Variants in TRAK1 observed in about 807,000 individuals in gnomAD.
TRAK1 encodes trafficking kinesin-binding protein 1.
In TRAK1, 33 loss-of-function variants were observed where a neutral mutation model predicts 92.1. The observed-to-expected ratio is 0.36, with a 90% CI of 0.27 to 0.48. The LOEUF (loss-of-function observed/expected upper bound fraction) is 0.48. TRAK1 is among the 20% of genes least tolerant of loss of function. TRAK1 has a pLI of 0.99. For missense variants in TRAK1, 1,123 were observed against 1,257.9 expected (o/e 0.89, Z 1.62); for synonymous variants, 521 against 517.3 (o/e 1.01, Z -0.10).
chr3:42,024,695 G>T (rs987846554), intron 1 of TRAK1, among the ~76,000 whole-genome samples: 2 of 152,196 alleles, frequency 1.3e-5, no homozygotes, highest in African/African-American at 4.8e-5. Flanking sequence ...GCTAGACAGG[G>T]ATAGAATCTA....
At chr3:42,083,101 T>C (rs756483822), upstream of TRAK1, among the ~76,000 whole-genome samples, 5 of 152,356 alleles carry the variant, frequency 3.3e-5, no homozygotes, top group Non-Finnish European at 5.9e-5. Flanking sequence ...AAATGTATAC[T>C]CCTCGCCTTA....
intron 13 of TRAK1, among the ~76,000 whole-genome samples, chr3:42,205,900 G>T (rs1708277386): frequency 6.6e-6 from 1 of 152,188 alleles, no homozygotes; most frequent in African/African-American, 2.4e-5. Flanking sequence ...ACTTTATCTT[G>T]GGGCCAACCA....
chr3:42,217,359 CTTG>C, intron 14 of TRAK1: 3 of 985,394 alleles, frequency 3.0e-6, no homozygotes, highest in Middle Eastern at 1.0e-3. Context: ...ACTTTGGAAA[CTTG>C]TTGATCTTCC....
intron 13 of TRAK1, among the ~76,000 whole-genome samples, chr3:42,206,649 A>G (rs766377185): frequency 5.9e-5 from 9 of 152,170 alleles, no homozygotes; most frequent in Non-Finnish European, 1.2e-4. Context: ...GCTTAGTAAA[A>G]GCCCAGTAAA....
intron 1 of TRAK1, among the ~76,000 whole-genome samples, chr3:42,092,837 C>T (rs1341997175): frequency 3.3e-5 from 5 of 152,078 alleles, no homozygotes; most frequent in East Asian, 3.9e-4. Flanking sequence ...CCCCCTGCCT[C>T]GGCCTCCCAA....
At chr3:42,177,745 G>GT (rs1387710332) in intron 3 of TRAK1, among the ~76,000 whole-genome samples, 7 of 152,300 alleles carry the variant, frequency 4.6e-5, no homozygotes, top group African/African-American at 1.7e-4. Flanking sequence ...TTTCTGGAGT[G>GT]TGTGGCATTC....
chr3:42,215,501 G>GGT (rs3836497), intron 14 of TRAK1, among the ~76,000 whole-genome samples: 3,034 of 151,086 alleles, frequency 0.02, 95 homozygotes, highest in African/African-American at 0.067. Context: ...CCACTGTTGG[G>GGT]GTGTGTGTGT....
chr3:42,013,509 A>G (rs1395842799), upstream of TRAK1, among the ~76,000 whole-genome samples: 1 of 145,040 alleles, frequency 6.9e-6, no homozygotes, highest in African/African-American at 2.6e-5. The surrounding 1 kb of genome is among the most constrained non-coding windows in gnomAD (Gnocchi z 5.1). Flanking sequence ...CCAGGCGACT[A>G]GGACGTGGCC....
At chr3:42,196,813 G>A (rs1005458923) in intron 10 of TRAK1, among the ~76,000 whole-genome samples, 2 of 151,560 alleles carry the variant, frequency 1.3e-5, no homozygotes, top group Non-Finnish European at 2.9e-5. Context: ...CTCCCAAAGT[G>A]CTAGGATTAC....
In TRAK1 at chr3:42,125,490, T is replaced by C. The variant is rs1306637954; in HGVS notation, c.162T>C (p.Tyr54=). Reference sequence around the variant, plus strand: ...TGCTGGAGGAGCAGCTGCCCCATTATAAGTTAAGAGCCGACACCATCTACG... The same window carrying C: ...TGCTGGAGGAGCAGCTGCCCCATTACAAGTTAAGAGCCGACACCATCTACG... ...ISLLEEQLPH[Y]KLRADTIYGY... is the part of the protein sequence containing the mutation. The change falls in exon 2 of 16, where the codon TAT becomes TAC. Residue 54 remains tyrosine (Y), a synonymous_variant. Coordinates refer to ENST00000327628, the MANE Select transcript of TRAK1 (RefSeq NM_001042646.3). 6 of 1,614,116 alleles carry C rather than the reference T, an allele frequency of 3.7e-6. No homozygotes were observed. The highest frequency in any genetic ancestry group is 1.1e-5 in the South Asian group (1 of 91,086).
chr3:42,141,668 C>T (rs953144016), intron 2 of TRAK1, among the ~76,000 whole-genome samples: 26 of 152,118 alleles, frequency 1.7e-4, no homozygotes, highest in African/African-American at 5.8e-4. Flanking sequence ...TGGTGGCTGC[C>T]GGCCATCCTC....
chr3:42,202,274 A>G lies in TRAK1; in HGVS notation c.1428-162A>G, dbSNP rs1341126840. Among the ~76,000 whole-genome samples the G allele has an allele frequency of 6.6e-6, 1 of 152,050 alleles. No homozygotes were observed. Among genetic ancestry groups the G allele is most frequent in the Non-Finnish European group, 1.5e-5 (1 of 68,028 alleles). ...CCTGGCGGGAGTGGTTCTGGACACG[A>G]ATTTATTTCCCCCTGTTGCCTAAAT... On this transcript the variant is annotated intron_variant, in intron 12 of 15. Transcript: ENST00000327628. This position sits in a 1 kb window ranked among gnomAD's most constrained non-coding sequence, Gnocchi z 6.1.
At chr3:42,218,620 G>C (rs1709983128) in intron 14 of TRAK1, 1 of 985,088 alleles carries the variant, frequency 1.0e-6, no homozygotes, top group Non-Finnish European at 1.2e-6. Context: ...TCCTTTGCCA[G>C]CTTTCTCATG....
Position 42,188,068 on chromosome 3 carries a change from G to C in TRAK1, c.504G>C (p.Leu168=), listed in dbSNP as rs377117839. The C allele has an allele frequency of 6.2e-7, 1 of 1,614,070 alleles. No homozygotes were observed. The highest frequency in any genetic ancestry group is 8.5e-7 in the Non-Finnish European group (1 of 1,180,032). Residue 168 remains leucine, a synonymous_variant, in exon 5 of 16, where the codon CTG becomes CTC. Coordinates refer to ENST00000327628, the MANE Select transcript of TRAK1 (RefSeq NM_001042646.3). ...AGGTGTCTCAGCTCCGGCATGAGCTGTCCATGAAGGATGAGCTGCTTCAGT... is the reference window on the plus strand; with the variant it reads ...AGGTGTCTCAGCTCCGGCATGAGCTCTCCATGAAGGATGAGCTGCTTCAGT... ...REEVSQLRHE[L]SMKDELLQFY...
At chr3:42,106,201 C>G (rs3856733) in intron 1 of TRAK1, among the ~76,000 whole-genome samples, 41,350 of 151,924 alleles carry the variant, frequency 0.27, 5,905 homozygotes, top group South Asian at 0.45. Flanking sequence ...GCCTAAATGC[C>G]CCAATTAAAA....
At chr3:42,091,836 A>G (rs1160982467) in intron 1 of TRAK1, among the ~76,000 whole-genome samples, 1 of 152,042 alleles carries the variant, frequency 6.6e-6, no homozygotes, top group Non-Finnish European at 1.5e-5. Context: ...CTTGCAGGGC[A>G]TGAGCACAGG....
chr3:42,114,044 A>G (rs1355704238), intron 1 of TRAK1, among the ~76,000 whole-genome samples: 1 of 151,962 alleles, frequency 6.6e-6, no homozygotes, highest in Admixed American at 6.6e-5. Flanking sequence ...CTGTGGACTT[A>G]CCTGTTCTGG....
At chr3:42,140,583 C>T (rs1456869977) in intron 2 of TRAK1, among the ~76,000 whole-genome samples, 1 of 152,156 alleles carries the variant, frequency 6.6e-6, no homozygotes, top group East Asian at 1.9e-4. Context: ...GCCGAGATCG[C>T]ACCGCTGCAC....
At chr3:42,124,373 G>T (rs1321076545) in intron 1 of TRAK1, among the ~76,000 whole-genome samples, 1 of 152,208 alleles carries the variant, frequency 6.6e-6, no homozygotes, top group African/African-American at 2.4e-5. Context: ...GATGATGCCA[G>T]AATTAGTTGA....
Sources: gnomAD v4.1 joint callset for allele counts (sites outside exome capture counted in the v4.1 genomes callset) on GRCh38, gnomAD v4.1.1 for gene constraint, Gnocchi (gnomAD v3.1) non-coding constraint, MANE v1.5 for transcripts, NCBI Gene and HGNC (gene_info 2026-07-23, HGNC 2026-07-21) for gene names.